Variants in NKAIN3 observed in about 807,000 individuals in gnomAD.
NKAIN3 encodes sodium/potassium-transporting ATPase subunit beta-1-interacting protein 3.
In NKAIN3, 25 loss-of-function variants were observed where a neutral mutation model predicts 30.2. That is an observed-to-expected ratio of 0.83 (90% CI 0.60 to 1.16). The LOEUF (loss-of-function observed/expected upper bound fraction) is 1.16, where lower values mean the gene tolerates loss of function less well. Ranked by LOEUF, NKAIN3 falls within the 50% of genes most tolerant of loss-of-function variation. The pLI, the probability that NKAIN3 is intolerant of heterozygous loss-of-function variation, is 0.00. For synonymous variants in NKAIN3, 91 were observed against 89.6 expected (o/e 1.02, Z -0.09); for missense variants, 225 against 254.1 (o/e 0.89, Z 0.78).
In NKAIN3 at chr8:62,975,774, A is replaced by AT. The variant is rs1163826840; in HGVS notation, c.*10371dup. On this transcript the variant is annotated 3_prime_UTR_variant, in exon 7 of 7. Coordinates refer to ENST00000623646, the MANE Select transcript of NKAIN3 (RefSeq NM_001304533.3). ...TAGCGTGTTGATTGTAGATGTTTAG[A>AT]TTTTAGATGTTTAGATGTTTCCCAC... Among the ~76,000 whole-genome samples, 1 of 151,872 alleles carries AT rather than the reference A, an allele frequency of 6.6e-6. No individual in the cohort carries two copies.
At chr8:62,503,641 T>G (rs1807533312) in intron 1 of NKAIN3, among the ~76,000 whole-genome samples, 1 of 152,022 alleles carries the variant, frequency 6.6e-6, no homozygotes, top group Non-Finnish European at 1.5e-5. Flanking sequence ...CCCCCAGGAA[T>G]GCAATTCTTT....
intron 4 of NKAIN3, among the ~76,000 whole-genome samples, chr8:62,792,439 G>A (rs2130675206): frequency 6.6e-6 from 1 of 152,296 alleles, no homozygotes; most frequent in Non-Finnish European, 1.5e-5. Flanking sequence ...ACATTTGCAA[G>A]GAAATTGGAC....
chr8:62,475,189 G>A (rs1806479624), intron 1 of NKAIN3, among the ~76,000 whole-genome samples: 1 of 152,158 alleles, frequency 6.6e-6, no homozygotes, highest in Admixed American at 6.5e-5. Context: ...TCTCCTCTGT[G>A]AAATAACACA....
chr8:62,388,712 T>C lies in NKAIN3; in HGVS notation c.54+139585T>C, dbSNP rs183317415. On this transcript the variant is annotated intron_variant, in intron 1 of 6. Transcript: ENST00000623646. Reference sequence around the variant, plus strand: ...ATTAAGACATCAGACTGAGATTACATACCTTTCTAATTACTATGTCTTCAA... The same window carrying C: ...ATTAAGACATCAGACTGAGATTACACACCTTTCTAATTACTATGTCTTCAA... 1.5e-3 allele frequency among the ~76,000 whole-genome samples: 224 copies of C among 152,370 alleles called. 1 individual carries two copies. Among genetic ancestry groups the C allele is most frequent in the African/African-American group, 5.2e-3 (217 of 41,590 alleles).
intron 1 of NKAIN3, among the ~76,000 whole-genome samples, chr8:62,471,990 C>T (rs1192479713): frequency 1.3e-5 from 2 of 148,994 alleles, no homozygotes; most frequent in African/African-American, 2.5e-5. Flanking sequence ...AAACAGCCTG[C>T]GCCCAGCCTG....
chr8:62,404,748 C>G (rs557995065), intron 1 of NKAIN3, among the ~76,000 whole-genome samples: 3 of 152,166 alleles, frequency 2.0e-5, no homozygotes, highest in Non-Finnish European at 4.4e-5. Flanking sequence ...GTGCTATACC[C>G]TACTGTGCCT....
At chr8:62,637,521 T>A (rs760643456) in intron 3 of NKAIN3, among the ~76,000 whole-genome samples, 13 of 152,184 alleles carry the variant, frequency 8.5e-5, no homozygotes, top group Non-Finnish European at 1.9e-4. Context: ...CAGGGAATGT[T>A]CTCTTTATCT....
At chr8:62,751,999 T>C (rs563635649) in intron 4 of NKAIN3, among the ~76,000 whole-genome samples, 1 of 152,202 alleles carries the variant, frequency 6.6e-6, no homozygotes, top group Non-Finnish European at 1.5e-5. Flanking sequence ...TTTTCACTTG[T>C]TCATGTCTGT....
chr8:62,960,787 C>T (rs1823550447), intron 6 of NKAIN3, among the ~76,000 whole-genome samples: 1 of 150,052 alleles, frequency 6.7e-6, no homozygotes, highest in Non-Finnish European at 1.5e-5. Context: ...GAAAAAGAAA[C>T]ATTTACAGTT....
At chr8:62,722,935 A>C (rs1401455403) in intron 3 of NKAIN3, among the ~76,000 whole-genome samples, 1 of 152,282 alleles carries the variant, frequency 6.6e-6, no homozygotes, top group South Asian at 2.1e-4. Flanking sequence ...ATGGTTAGTC[A>C]ACAACTTGAG....
At chr8:62,631,966 G>T (rs773764018) in intron 3 of NKAIN3, among the ~76,000 whole-genome samples, 2 of 152,156 alleles carry the variant, frequency 1.3e-5, no homozygotes, top group Non-Finnish European at 2.9e-5. Flanking sequence ...TTAGGCACTG[G>T]ATAATACATA....
chr8:62,428,016 T>G (rs1804865452), intron 1 of NKAIN3, among the ~76,000 whole-genome samples: 1 of 151,946 alleles, frequency 6.6e-6, no homozygotes, highest in Non-Finnish European at 1.5e-5. Flanking sequence ...CTTCCCAGCC[T>G]CTGTCAACCA....
chr8:62,425,140 G>A (rs529106761), intron 1 of NKAIN3, among the ~76,000 whole-genome samples: 1 of 151,872 alleles, frequency 6.6e-6, no homozygotes, highest in Admixed American at 6.6e-5. Flanking sequence ...GAGGAGAAAT[G>A]GGGAGTTGCT....
At chr8:62,568,156 A>G (rs1434414385) in intron 1 of NKAIN3, among the ~76,000 whole-genome samples, 1 of 152,162 alleles carries the variant, frequency 6.6e-6, no homozygotes, top group African/African-American at 2.4e-5. Context: ...CATGCATCCT[A>G]TATTTCTTCC....
chr8:62,437,847 A>G (rs2129598017), intron 1 of NKAIN3, among the ~76,000 whole-genome samples: 1 of 152,320 alleles, frequency 6.6e-6, no homozygotes, highest in South Asian at 2.1e-4. Flanking sequence ...GGAAACTGCT[A>G]TTAAAGGAGC....
intron 1 of NKAIN3, among the ~76,000 whole-genome samples, chr8:62,455,661 G>C (rs1805792056): frequency 6.6e-6 from 1 of 152,140 alleles, no homozygotes; most frequent in South Asian, 2.1e-4. Context: ...TGTACCCCCT[G>C]AACCTACAAT....
chr8:62,621,188 T>C (rs576674693), intron 3 of NKAIN3, among the ~76,000 whole-genome samples: 26 of 152,264 alleles, frequency 1.7e-4, no homozygotes, highest in African/African-American at 6.3e-4. Context: ...GTTATCATTC[T>C]GGAGAGTAGG....
chr8:62,285,665 C>T (rs532354160), intron 1 of NKAIN3, among the ~76,000 whole-genome samples: 2 of 152,134 alleles, frequency 1.3e-5, no homozygotes, highest in Non-Finnish European at 2.9e-5. Context: ...GATGTCACCA[C>T]GTGAATTTAG....
At chr8:62,665,192 A>C (rs189779232) in intron 3 of NKAIN3, among the ~76,000 whole-genome samples, 173 of 152,282 alleles carry the variant, frequency 1.1e-3, no homozygotes, top group Non-Finnish European at 1.6e-3. Context: ...TTAAAGTAAA[A>C]CATCTCAATC....
Sources: allele counts gnomAD v4.1 joint callset (sites outside exome capture counted in the v4.1 genomes callset), GRCh38; gene constraint gnomAD v4.1.1; transcripts MANE v1.5; gene names NCBI Gene and HGNC (gene_info 2026-07-23, HGNC 2026-07-21).